The following SPACA1 variants were observed in gnomAD, a reference collection of about 807,000 sequenced individuals.
SPACA1 encodes the protein sperm acrosome associated 1.
SPACA1 carries 17 observed loss-of-function variants against 32.6 expected under a neutral mutation model. The ratio of observed to expected loss-of-function variants is 0.52; its 90% CI spans 0.36 to 0.78. The LOEUF (loss-of-function observed/expected upper bound fraction) is 0.78. SPACA1 is among the 30% of genes least tolerant of loss of function. SPACA1 has a pLI of 0.01. For missense variants in SPACA1, 363 were observed against 373.4 expected (o/e 0.97, Z 0.23); for synonymous variants, 140 against 138.1 (o/e 1.01, Z -0.10).
At chr6:88,060,640 G>T (rs1299335133) in intron 5 of SPACA1, among the ~76,000 whole-genome samples, 1 of 152,038 alleles carries the variant, frequency 6.6e-6, no homozygotes. Context: ...TTCCTCTATT[G>T]GGATATCAGG....
chr6:88,053,058 G>A (rs942428599), intron 1 of SPACA1, among the ~76,000 whole-genome samples: 1 of 152,170 alleles, frequency 6.6e-6, no homozygotes, highest in Admixed American at 6.5e-5. Context: ...AATTCTTACA[G>A]CAATCAAATG....
At position 88,057,588 on chromosome 6, in the gene SPACA1, G is replaced by A. The variant is rs748484266; in HGVS notation, c.266-24G>A. 8.4e-6 allele frequency: 13 copies of A among 1,552,422 alleles called. No individual in the cohort carries two copies. In the Admixed American group the frequency reaches 2.2e-4, roughly 26 times the overall value. ...GGAATCAGTTTTTTTCTTAACATTTGCCTTTTTAAATTTTAAACCAAAGGT... is the reference window on the plus strand; with the variant it reads ...GGAATCAGTTTTTTTCTTAACATTTACCTTTTTAAATTTTAAACCAAAGGT... On this transcript the variant is annotated intron_variant, in intron 2 of 6. Coordinates refer to ENST00000237201, the MANE Select transcript of SPACA1 (RefSeq NM_030960.3).
At chr6:88,047,250 G>A (rs1305126704), upstream of SPACA1, among the ~76,000 whole-genome samples, 2 of 152,138 alleles carry the variant, frequency 1.3e-5, no homozygotes, top group Non-Finnish European at 2.9e-5. Context: ...TTTTTGGGGC[G>A]AGTCATTTCA....
chr6:88,062,486 T>C (rs1021885682), intron 5 of SPACA1, among the ~76,000 whole-genome samples: 1 of 152,222 alleles, frequency 6.6e-6, no homozygotes, highest in Non-Finnish European at 1.5e-5. Flanking sequence ...ATAAAAGAGA[T>C]ACAATAAAGC....
At chr6:88,055,766 C>G (rs1201160884) in intron 2 of SPACA1, among the ~76,000 whole-genome samples, 1 of 151,964 alleles carries the variant, frequency 6.6e-6, no homozygotes, top group Non-Finnish European at 1.5e-5. Context: ...GTCCAGATAT[C>G]GAGGCCATCC....
intron 1 of SPACA1, among the ~76,000 whole-genome samples, chr6:88,050,326 C>T (rs976108119): frequency 1.3e-5 from 2 of 152,088 alleles, no homozygotes; most frequent in African/African-American, 4.8e-5. Context: ...AATGTTTACT[C>T]ATCAATTCTT....
In SPACA1 at chr6:88,064,173, A is replaced by T. The variant is rs759693757; in HGVS notation, c.685A>T (p.Ile229Phe). The change falls in exon 6 of 7, where the codon ATC becomes TTC. Residue 229 changes from isoleucine to phenylalanine, a missense_variant. Coordinates refer to ENST00000237201, the MANE Select transcript of SPACA1 (RefSeq NM_030960.3). ...LIFVLTIGVI[I>F]CVFIIFLLIF... The stretch of plus-strand genomic sequence containing the variant: ...TTTTGTGCTGACCATAGGAGTCATT[A>T]TCTGTGTATTTATAATTTTCTTATT... The T allele has an allele frequency of 1.9e-6, 3 of 1,613,284 alleles. No homozygotes were observed. The highest frequency in any genetic ancestry group is 2.5e-6 in the Non-Finnish European group (3 of 1,179,524).
chr6:88,054,312 A>T (rs806433), intron 2 of SPACA1, among the ~76,000 whole-genome samples: 1 of 151,636 alleles, frequency 6.6e-6, no homozygotes, highest in Admixed American at 6.6e-5. Flanking sequence ...AGATTTTCCA[A>T]TGCATCTCAC....
chr6:88,059,444 T>G lies in SPACA1; in HGVS notation c.475-9T>G. 1.9e-6 allele frequency: 3 copies of G among 1,586,868 alleles called. No individual in the cohort carries two copies. The highest frequency in any genetic ancestry group is 2.6e-6 in the Non-Finnish European group (3 of 1,168,918). ...GTTGATACTTTGTTATTTTTTTCTT[T>G]TTAAATAGCAATCCATTATACTTGT... On this transcript the variant is annotated splice_polypyrimidine_tract_variant and intron_variant, in intron 4 of 6. Transcript: ENST00000237201.
chr6:88,064,975 CTT>C (rs770319788), intron 6 of SPACA1, among the ~76,000 whole-genome samples: 7 of 147,520 alleles, frequency 4.7e-5, no homozygotes, highest in South Asian at 2.1e-4. Context: ...TAAGAAGTGT[CTT>C]TTTATTATTT....
chr6:88,064,428 T>C (rs1013296076), intron 6 of SPACA1: 6 of 325,990 alleles, frequency 1.8e-5, no homozygotes, highest in African/African-American at 1.3e-4. Flanking sequence ...CATGACTTGC[T>C]TCTCCAACTA....
At chr6:88,059,425 A>G (rs750835283) in intron 4 of SPACA1, 28 bp from the exon 5 acceptor site, 5 of 1,552,838 alleles carry the variant, frequency 3.2e-6, no homozygotes, top group Non-Finnish European at 8.7e-7. Flanking sequence ...AAATGTTGAT[A>G]CTTTGTTATT....
Position 88,066,659 on chromosome 6 carries a change from G to T in SPACA1, c.*324G>T, listed in dbSNP as rs1775990896. On this transcript the variant is annotated 3_prime_UTR_variant, in exon 7 of 7. Coordinates refer to ENST00000237201, the MANE Select transcript of SPACA1 (RefSeq NM_030960.3). Reference sequence around the variant, plus strand: ...GATTTGCCTGTTTTGTCTTAAATAAGAACAATGTAATATAGAAATGCTTTA... The same window carrying T: ...GATTTGCCTGTTTTGTCTTAAATAATAACAATGTAATATAGAAATGCTTTA... 6.0e-6 allele frequency: 1 copy of T among 166,910 alleles called. No homozygotes were observed. 10.3% of individuals were successfully genotyped at this position (166,910 alleles called of 1,614,324 possible).
At chr6:88,052,705 C>A (rs569491201) in intron 1 of SPACA1, among the ~76,000 whole-genome samples, 1 of 152,018 alleles carries the variant, frequency 6.6e-6, no homozygotes, top group African/African-American at 2.4e-5. Flanking sequence ...GGCATGGTGG[C>A]GTCTGCCTGT....
At chr6:88,054,904 C>T (rs1015818362) in intron 2 of SPACA1, among the ~76,000 whole-genome samples, 9 of 152,178 alleles carry the variant, frequency 5.9e-5, no homozygotes, top group Non-Finnish European at 7.4e-5. Flanking sequence ...TCTTGTGCAA[C>T]CATCACAACC....
intron 1 of SPACA1, among the ~76,000 whole-genome samples, chr6:88,051,931 A>T (rs1032751952): frequency 3.9e-5 from 6 of 152,174 alleles, no homozygotes; most frequent in Non-Finnish European, 5.9e-5. Flanking sequence ...GTGACACATC[A>T]CTCCTACCAT....
chr6:88,066,192 A>G lies in SPACA1; in HGVS notation c.742A>G (p.Lys248Glu), dbSNP rs1775982307. Reference protein sequence around the residue: ...IFIIINWAAVKAFWGAKASTP... With the variant: ...IFIIINWAAVEAFWGAKASTP... ...TGTTTTTTCTTCCAGGGCAGCAGTCAAGGCTTTCTGGGGGGCAAAAGCCTC... is the reference window on the plus strand; with the variant it reads ...TGTTTTTTCTTCCAGGGCAGCAGTCGAGGCTTTCTGGGGGGCAAAAGCCTC... The change falls in exon 7 of 7, where the codon AAG becomes GAG. Residue 248 changes from lysine (K) to glutamate (E), a missense_variant. Physicochemically the swap from Lys to Glu is moderately conservative, Grantham distance 56. Transcript: ENST00000237201. The G allele has an allele frequency of 1.3e-6, 2 of 1,584,304 alleles. No homozygotes were observed. The highest frequency in any genetic ancestry group is 2.3e-5 in the South Asian group (2 of 85,412).
intron 4 of SPACA1, among the ~76,000 whole-genome samples, chr6:88,059,123 C>T (rs1038120755): frequency 3.3e-5 from 5 of 152,172 alleles, no homozygotes; most frequent in African/African-American, 1.2e-4. Context: ...ATAGCAGTGG[C>T]TAACATTAAT....
Position 88,057,607 on chromosome 6 carries a change from C to G in SPACA1, c.266-5C>G. 6.2e-7 allele frequency: 1 copy of G among 1,607,108 alleles called. No individual in the cohort carries two copies. Among genetic ancestry groups the G allele is most frequent in the African/African-American group, 1.3e-5 (1 of 74,878 alleles). ...ACATTTGCCTTTTTAAATTTTAAACCAAAGGTATTGGTGTTAGAGAAGTTA... is the reference window on the plus strand; with the variant it reads ...ACATTTGCCTTTTTAAATTTTAAACGAAAGGTATTGGTGTTAGAGAAGTTA... On this transcript the variant is annotated splice_region_variant and splice_polypyrimidine_tract_variant and intron_variant, in intron 2 of 6. Coordinates refer to ENST00000237201, the MANE Select transcript of SPACA1 (RefSeq NM_030960.3).
Sources: allele counts gnomAD v4.1 joint callset (sites outside exome capture counted in the v4.1 genomes callset), GRCh38; gene constraint gnomAD v4.1.1; transcripts MANE v1.5; gene names NCBI Gene and HGNC (gene_info 2026-07-23, HGNC 2026-07-21).